The following MAGI2 variants were observed in gnomAD, a reference collection of about 807,000 sequenced individuals.
MAGI2 encodes membrane-associated guanylate kinase, WW and PDZ domain-containing protein 2.
MAGI2 carries 35 observed loss-of-function variants against 133.3 expected under a neutral mutation model. That is an observed-to-expected ratio of 0.26 (90% CI 0.20 to 0.35). The LOEUF (loss-of-function observed/expected upper bound fraction) is 0.35. Among genes scored for constraint, MAGI2 ranks in the 10% least tolerant of loss-of-function variants. MAGI2 has a pLI of 1.00. For synonymous variants in MAGI2, 729 were observed against 710.6 expected (o/e 1.03, Z -0.41); for missense variants, 1,636 against 1,863.4 (o/e 0.88, Z 2.25).
intron 21 of MAGI2, 127 bp from the exon 22 acceptor site, chr7:78,020,103 A>G (rs1032579245): frequency 4.6e-6 from 3 of 651,186 alleles, no homozygotes; most frequent in Admixed American, 5.1e-5. Flanking sequence ...CGCCGCCCCC[A>G]CCCCCACCCC....
chr7:78,384,666 C>T (rs892226341), intron 6 of MAGI2, among the ~76,000 whole-genome samples: 17 of 152,016 alleles, frequency 1.1e-4, no homozygotes, highest in African/African-American at 3.9e-4. Context: ...CAAGAAAATC[C>T]TACTGTTTAA....
rs372246562 is a variant in MAGI2, at chr7:79,059,970, A to G, written c.302-52764T>C. 2.2e-4 allele frequency among the ~76,000 whole-genome samples: 34 copies of G among 152,236 alleles called. No individual in the cohort carries two copies. In the South Asian group the frequency reaches 6.4e-3, roughly 29 times the overall value. On this transcript the variant is annotated intron_variant, in intron 1 of 21. Coordinates refer to ENST00000354212, the MANE Select transcript of MAGI2 (RefSeq NM_012301.4). ...TAGGTCAATCCTATGTTGTACATCTAATGAGTAATGTATGAGGTGTTGCTG... is the reference window on the plus strand; with the variant it reads ...TAGGTCAATCCTATGTTGTACATCTGATGAGTAATGTATGAGGTGTTGCTG...
At chr7:78,060,252 C>G (rs1033644977) in intron 21 of MAGI2, among the ~76,000 whole-genome samples, 3 of 115,886 alleles carry the variant, frequency 2.6e-5, no homozygotes, top group Admixed American at 9.1e-5. Flanking sequence ...GGACCCCCCC[C>G]CCTCTTTAGA....
In MAGI2 at chr7:78,941,728, TCACACACACACACACA is replaced by T. The variant is rs3068585; in HGVS notation, c.418+65346_418+65361del. Among the ~76,000 whole-genome samples the T allele has an allele frequency of 6.7e-3, 831 of 123,460 alleles. 5 individuals carry two copies. Among genetic ancestry groups the T allele is most frequent in the African/African-American group, 0.02 (683 of 33,950 alleles). 81.0% of individuals were successfully genotyped at this position (123,460 alleles called of 152,430 possible). ...AAAACAGTTTCCTGAGCCTATTTCA[TCACACACACACACACA>T]CACACACACACACACACACACACAC... On this transcript the variant is annotated intron_variant, in intron 2 of 21. Transcript: ENST00000354212.
chr7:79,172,064 T>G (rs1825675176), intron 1 of MAGI2, among the ~76,000 whole-genome samples: 1 of 151,880 alleles, frequency 6.6e-6, no homozygotes, highest in African/African-American at 2.4e-5. Context: ...AAAACTGTGA[T>G]TCTTGTGCAA....
chr7:78,389,524 G>A (rs12705417), intron 6 of MAGI2, among the ~76,000 whole-genome samples: 24,621 of 152,188 alleles, frequency 0.16, 2,145 homozygotes, highest in South Asian at 0.22. Flanking sequence ...TGTGTCCGCT[G>A]TGGCACTGGG....
intron 2 of MAGI2, among the ~76,000 whole-genome samples, chr7:78,979,668 G>T (rs1235725268): frequency 6.6e-6 from 1 of 151,826 alleles, no homozygotes; most frequent in Non-Finnish European, 1.5e-5. Flanking sequence ...AGGTGGTCTT[G>T]CATGGTGTGC....
chr7:78,300,507 G>T (rs192059437), intron 9 of MAGI2, among the ~76,000 whole-genome samples: 10 of 152,272 alleles, frequency 6.6e-5, no homozygotes, highest in African/African-American at 2.4e-4. Context: ...AAGTAAAACA[G>T]CTTAGTGGAC....
At chr7:78,830,529 A>T (rs1791051853) in intron 2 of MAGI2, among the ~76,000 whole-genome samples, 1 of 152,208 alleles carries the variant, frequency 6.6e-6, no homozygotes, top group Non-Finnish European at 1.5e-5. Context: ...AAATTTGCTC[A>T]TATTCACTTT....
intron 2 of MAGI2, among the ~76,000 whole-genome samples, chr7:78,987,069 A>G (rs1031308401): frequency 2.0e-5 from 3 of 152,022 alleles, no homozygotes; most frequent in Non-Finnish European, 2.9e-5. Context: ...CCCAAAGAAA[A>G]TTCTCAGAGT....
At chr7:79,011,924 C>CCTTCCTTCCTTCCTTCCTTTCTTTCTTT (rs1413880167) in intron 1 of MAGI2, among the ~76,000 whole-genome samples, 2 of 121,284 alleles carry the variant, frequency 1.6e-5, no homozygotes, top group Admixed American at 9.0e-5. Context: ...TTCCTTCCTT[C>CCTTCCTTCCTTCCTTCCTTTCTTTCTTT]CTTTCTTTCT....
intron 14 of MAGI2, among the ~76,000 whole-genome samples, chr7:78,175,486 T>C (rs1274113771): frequency 1.3e-5 from 2 of 152,190 alleles, no homozygotes; most frequent in Non-Finnish European, 2.9e-5. Flanking sequence ...CCTTGGCTTC[T>C]ACTGTCACTT....
chr7:78,114,272 G>A (rs1295582820), intron 20 of MAGI2, among the ~76,000 whole-genome samples: 1 of 152,200 alleles, frequency 6.6e-6, no homozygotes, highest in Non-Finnish European at 1.5e-5. Flanking sequence ...AAGTATCTTA[G>A]GTGATTGAAA....
rs1793463478 is a variant in MAGI2, at chr7:78,854,610, T to A, written c.418+152480A>T. Among the ~76,000 whole-genome samples the A allele has an allele frequency of 2.0e-5, 3 of 152,072 alleles. No individual in the cohort carries two copies. In the South Asian group the frequency reaches 6.2e-4, roughly 31 times the overall value. On this transcript the variant is annotated intron_variant, in intron 2 of 21. Coordinates refer to ENST00000354212, the MANE Select transcript of MAGI2 (RefSeq NM_012301.4). ...ATTCAGTTCCTTAGTAAAGTCTTTGTTAATCTTTGCAGGCTAGGTTGGTTT... is the reference window on the plus strand; with the variant it reads ...ATTCAGTTCCTTAGTAAAGTCTTTGATAATCTTTGCAGGCTAGGTTGGTTT...
chr7:78,548,888 A>C (rs1169518886), intron 3 of MAGI2, among the ~76,000 whole-genome samples: 2 of 152,204 alleles, frequency 1.3e-5, no homozygotes, highest in African/African-American at 4.8e-5. Flanking sequence ...TTAGGTAAAA[A>C]GAATTCACTT....
chr7:78,422,095 T>C (rs540022904), intron 6 of MAGI2, among the ~76,000 whole-genome samples: 3 of 152,280 alleles, frequency 2.0e-5, no homozygotes, highest in Admixed American at 6.5e-5. Context: ...CTGGTAGTCA[T>C]TGTAGTTTAA....
intron 1 of MAGI2, among the ~76,000 whole-genome samples, chr7:79,217,325 CTA>C (rs1376648230): frequency 4.0e-5 from 6 of 151,864 alleles, no homozygotes; most frequent in Non-Finnish European, 7.4e-5. Context: ...AAAATATACT[CTA>C]AATTTTATAC....
chr7:78,472,580 G>A (rs1008593974), intron 6 of MAGI2, among the ~76,000 whole-genome samples: 9 of 151,950 alleles, frequency 5.9e-5, no homozygotes, highest in African/African-American at 1.9e-4. Context: ...CATTCTTTAG[G>A]GAATACTGTA....
chr7:78,511,364 G>T (rs867239276), intron 4 of MAGI2, among the ~76,000 whole-genome samples: 1 of 151,784 alleles, frequency 6.6e-6, no homozygotes, highest in Non-Finnish European at 1.5e-5. Context: ...GAGCAGTCAC[G>T]CATTCTACAC....
Sources: gnomAD v4.1 joint callset for allele counts (sites outside exome capture counted in the v4.1 genomes callset) on GRCh38, gnomAD v4.1.1 for gene constraint, MANE v1.5 for transcripts, NCBI Gene and HGNC (gene_info 2026-07-23, HGNC 2026-07-21) for gene names.